Variants in PVT1 observed in about 807,000 individuals in gnomAD.
PVT1 encodes the protein CXCR4/PVT1 fusion.
intron 2 of PVT1, among the ~76,000 whole-genome samples, chr8:127,843,042 A>G (rs958065819): frequency 2.6e-5 from 4 of 152,138 alleles, no homozygotes; most frequent in Admixed American, 6.5e-5. Context: ...CCTACCTACC[A>G]CACAGGTTCT....
intron 3 of PVT1, among the ~76,000 whole-genome samples, chr8:127,907,898 A>G (rs1815842566): frequency 1.3e-5 from 2 of 152,080 alleles, no homozygotes; most frequent in South Asian, 4.1e-4. Flanking sequence ...TGCTGCAGAA[A>G]GGAGCACATT....
At chr8:127,808,257 A>G (rs1177198065) in intron 2 of PVT1, among the ~76,000 whole-genome samples, 1 of 152,094 alleles carries the variant, frequency 6.6e-6, no homozygotes, top group Non-Finnish European at 1.5e-5. Context: ...CATGTTGGCC[A>G]GGCTGGTCTC....
At chr8:127,834,727 A>G (rs1013853820) in intron 2 of PVT1, among the ~76,000 whole-genome samples, 7 of 152,152 alleles carry the variant, frequency 4.6e-5, no homozygotes, top group Non-Finnish European at 1.0e-4. Flanking sequence ...CAGGGGAAAA[A>G]ACAAACAAAC....
chr8:127,890,521 G>C (rs1815587896), intron 2 of PVT1: 1 of 152,280 alleles, frequency 6.6e-6, no homozygotes, highest in African/African-American at 2.4e-5. Flanking sequence ...AAGGAGGAAA[G>C]AGTGACTGAA....
intron 5 of PVT1, among the ~76,000 whole-genome samples, chr8:128,081,351 C>T (rs937604142): frequency 1.3e-5 from 2 of 152,198 alleles, no homozygotes; most frequent in African/African-American, 4.8e-5. Context: ...GTGCTACAGA[C>T]ATTCGTACAT....
chr8:127,965,067 A>G (rs1407942045), intron 3 of PVT1, among the ~76,000 whole-genome samples: 2 of 152,162 alleles, frequency 1.3e-5, no homozygotes, highest in Non-Finnish European at 2.9e-5. Context: ...ACAGCATTCA[A>G]CCCACACTAG....
At chr8:127,909,261 A>G (rs999066028) in intron 3 of PVT1, among the ~76,000 whole-genome samples, 3 of 152,224 alleles carry the variant, frequency 2.0e-5, no homozygotes, top group Non-Finnish European at 4.4e-5. Context: ...TATTCAGATC[A>G]TCTGTGAATG....
intron 4 of PVT1, among the ~76,000 whole-genome samples, chr8:128,060,645 G>C (rs1813819083): frequency 6.6e-6 from 1 of 152,118 alleles, no homozygotes; most frequent in Non-Finnish European, 1.5e-5. Context: ...GTGGCATGGG[G>C]TCCTTAGGCC....
chr8:128,099,497 G>C (rs901437416), intron 6 of PVT1: 1 of 152,238 alleles, frequency 6.6e-6, no homozygotes, highest in African/African-American at 2.4e-5. Flanking sequence ...CCCTCCTTCT[G>C]GAAGCCTTGC....
chr8:127,824,484 A>G, intron 2 of PVT1, among the ~76,000 whole-genome samples: 1 of 152,178 alleles, frequency 6.6e-6, no homozygotes, highest in East Asian at 1.9e-4. Context: ...TTACCTTTTT[A>G]TCCAGGAGCG....
chr8:127,900,510 G>T (rs1008105977), intron 3 of PVT1, among the ~76,000 whole-genome samples: 2 of 152,126 alleles, frequency 1.3e-5, no homozygotes, highest in Admixed American at 6.5e-5. Context: ...AAGATCACTG[G>T]TAGCACCATT....
intron 5 of PVT1, among the ~76,000 whole-genome samples, chr8:128,093,043 A>G (rs1195398486): frequency 2.6e-5 from 4 of 152,122 alleles, no homozygotes; most frequent in African/African-American, 9.7e-5. Context: ...GGAATAATAT[A>G]TATATGCAAC....
intron 3 of PVT1, among the ~76,000 whole-genome samples, chr8:127,906,631 C>T (rs535380213): frequency 1.3e-5 from 2 of 152,200 alleles, no homozygotes; most frequent in East Asian, 1.9e-4. Context: ...TCTGTTTTGC[C>T]ATCCGGAGAA....
At chr8:128,010,921 G>A (rs1817307279) in intron 4 of PVT1, among the ~76,000 whole-genome samples, 1 of 152,204 alleles carries the variant, frequency 6.6e-6, no homozygotes, top group African/African-American at 2.4e-5. Context: ...TCCAAAGAAG[G>A]CAATCAGTCA....
At chr8:127,926,008 A>G (rs1816125551) in intron 3 of PVT1, among the ~76,000 whole-genome samples, 1 of 152,096 alleles carries the variant, frequency 6.6e-6, no homozygotes, top group Admixed American at 6.5e-5. Flanking sequence ...GTTTCATTTG[A>G]TTTCAGATGT....
chr8:127,898,302 A>G lies in PVT1; in HGVS notation n.782+7304A>G, dbSNP rs940965988. ...ATAAAAGGCTGTAAAGAAATAAAAT[A>G]ATGTAAAGAAAGAAAATAATGTAAA... On this transcript the variant is annotated intron_variant and non_coding_transcript_variant, in intron 3 of 10. Transcript: ENST00000651587. The surrounding 1 kb of genome is among the most constrained non-coding windows in gnomAD (Gnocchi z 4.4). Among the ~76,000 whole-genome samples the G allele has an allele frequency of 2.0e-5, 3 of 151,812 alleles. No homozygotes were observed. Among genetic ancestry groups the G allele is most frequent in the Non-Finnish European group, 2.9e-5 (2 of 67,908 alleles).
chr8:127,824,758 G>T (rs1050841578), intron 2 of PVT1, among the ~76,000 whole-genome samples: 4 of 152,076 alleles, frequency 2.6e-5, no homozygotes, highest in Non-Finnish European at 5.9e-5. Flanking sequence ...GCAATATAAT[G>T]TTGTAACATC....
intron 2 of PVT1, among the ~76,000 whole-genome samples, chr8:127,814,303 C>G (rs769214068): frequency 2.6e-5 from 4 of 152,216 alleles, no homozygotes; most frequent in Non-Finnish European, 5.9e-5. Flanking sequence ...ATCTGGGTCT[C>G]TCCAGAATCC....
intron 5 of PVT1, among the ~76,000 whole-genome samples, chr8:128,090,394 A>G (rs996675717): frequency 1.3e-5 from 2 of 152,182 alleles, no homozygotes; most frequent in African/African-American, 4.8e-5. Context: ...CATTTCCCTT[A>G]TTGTTCCATG....
Sources: gnomAD v4.1 joint callset for allele counts (sites outside exome capture counted in the v4.1 genomes callset) on GRCh38, gnomAD v4.1.1 for gene constraint, Gnocchi (gnomAD v3.1) non-coding constraint, MANE v1.5 for transcripts, NCBI Gene and HGNC (gene_info 2026-07-23, HGNC 2026-07-21) for gene names.